NFIA: variants seen among roughly 807,000 people sequenced by gnomAD.
The protein encoded by NFIA is nuclear factor 1 A-type.
Under a neutral mutation model 62.8 loss-of-function variants are expected in NFIA, and 8 were observed. That is an observed-to-expected ratio of 0.13 (90% CI 0.07 to 0.23). NFIA has a LOEUF of 0.23. NFIA is among the 10% of genes least tolerant of loss of function. The pLI, the probability that NFIA is intolerant of heterozygous loss-of-function variation, is 1.00. For missense variants in NFIA, 410 were observed against 642.1 expected, an observed-to-expected ratio of 0.64 and a Z score of 3.91; for synonymous variants, 235 against 238.1, an observed-to-expected ratio of 0.99 and a Z score of 0.12.
Position 61,444,307 on chromosome 1 carries a change from T to C in NFIA, c.1513-10996T>C, listed in dbSNP as rs4430361. 9.6e-3 allele frequency among the ~76,000 whole-genome samples: 1,467 copies of C among 152,312 alleles called. 27 individuals are homozygous for C. The highest frequency in any genetic ancestry group is 0.034 in the African/African-American group (1,418 of 41,550). ...TCCTGGCCCCTGCCCTGCCTTTCTC[T>C]CTGTCCTTCTTTGCCTCTGGAGTAG... On this transcript the variant is annotated intron_variant, in intron 10 of 10. Coordinates refer to ENST00000403491, the MANE Select transcript of NFIA (RefSeq NM_001134673.4).
intron 2 of NFIA, among the ~76,000 whole-genome samples, chr1:61,169,358 C>T (rs1165445830): frequency 1.3e-5 from 2 of 152,164 alleles, no homozygotes; most frequent in Non-Finnish European, 1.5e-5. Context: ...GGACACTTCT[C>T]ACCCTGCATT....
At chr1:61,126,370 T>C (rs1317145075) in intron 2 of NFIA, among the ~76,000 whole-genome samples, 1 of 151,918 alleles carries the variant, frequency 6.6e-6, no homozygotes, top group African/African-American at 2.4e-5. Flanking sequence ...TATGCAGGTA[T>C]GTTTGCAACC....
intron 2 of NFIA, among the ~76,000 whole-genome samples, chr1:61,220,843 T>C (rs1653973915): frequency 6.6e-6 from 1 of 152,220 alleles, no homozygotes. Context: ...TAAGTATATT[T>C]GAGGTTTAAA....
At chr1:61,212,664 G>A (rs1043315932) in intron 2 of NFIA, among the ~76,000 whole-genome samples, 6 of 152,260 alleles carry the variant, frequency 3.9e-5, no homozygotes, top group African/African-American at 1.4e-4. Context: ...AGAGAACTTT[G>A]TGGTTTGATG....
At chr1:61,095,506 C>T (rs555510744) in intron 2 of NFIA, among the ~76,000 whole-genome samples, 6 of 152,184 alleles carry the variant, frequency 3.9e-5, no homozygotes, top group South Asian at 4.2e-4. Context: ...GGTTGGATGT[C>T]GTTTTCATGG....
intron 2 of NFIA, among the ~76,000 whole-genome samples, chr1:61,147,192 C>T (rs939612224): frequency 2.6e-5 from 4 of 151,902 alleles, no homozygotes; most frequent in Non-Finnish European, 4.4e-5. Context: ...GCTCTGTTGC[C>T]CAGGCTGGCA....
chr1:61,090,432 G>C (rs1275278648), intron 2 of NFIA, among the ~76,000 whole-genome samples: 1 of 152,022 alleles, frequency 6.6e-6, no homozygotes, highest in Non-Finnish European at 1.5e-5. Flanking sequence ...AGTTTTTGTC[G>C]GTGTAAGCAG....
intron 10 of NFIA, among the ~76,000 whole-genome samples, chr1:61,436,763 C>G (rs1027489090): frequency 1.5e-4 from 23 of 152,196 alleles, no homozygotes; most frequent in Non-Finnish European, 3.4e-4. Context: ...CATTGAGTTA[C>G]ATTCCACAGC....
intron 2 of NFIA, among the ~76,000 whole-genome samples, chr1:61,236,263 C>T (rs1323651241): frequency 6.6e-6 from 1 of 152,028 alleles, no homozygotes; most frequent in South Asian, 2.1e-4. Flanking sequence ...AACCCAGTAG[C>T]CATCTGAGAG....
At position 61,289,062 on chromosome 1, in the gene NFIA, G is replaced by A. The variant is rs146010030; in HGVS notation, c.625+11477G>A. Among the ~76,000 whole-genome samples the A allele has an allele frequency of 2.9e-3, 441 of 152,296 alleles. 2 individuals are homozygous for A. Among genetic ancestry groups the A allele is most frequent in the Middle Eastern group, 0.017 (5 of 294 alleles). On this transcript the variant is annotated intron_variant, in intron 3 of 10. Transcript: ENST00000403491. ...TGGGGTCACAGGTGTGAGCCACTGC[G>A]CCTGGAGTAAGCTTCTAAGAAAATT...
At chr1:61,387,373 A>C (rs1455169847) in intron 7 of NFIA, among the ~76,000 whole-genome samples, 1 of 152,066 alleles carries the variant, frequency 6.6e-6, no homozygotes, top group Non-Finnish European at 1.5e-5. Context: ...CAATTAAATA[A>C]TCCTTTTTCA....
intron 9 of NFIA, among the ~76,000 whole-genome samples, chr1:61,420,452 CCTT>C (rs1182947879): frequency 6.6e-6 from 1 of 152,016 alleles, no homozygotes; most frequent in Non-Finnish European, 1.5e-5. Flanking sequence ...TTAGCCACCT[CCTT>C]GTTTCAGTTT....
intron 3 of NFIA, among the ~76,000 whole-genome samples, chr1:61,308,058 T>C (rs1156907012): frequency 6.6e-6 from 1 of 152,212 alleles, no homozygotes; most frequent in East Asian, 1.9e-4. Context: ...TTATGACAGA[T>C]CATTATCCCC....
intron 2 of NFIA, chr1:61,250,934 C>T (rs963028614): frequency 2.0e-5 from 3 of 152,186 alleles, no homozygotes; most frequent in Non-Finnish European, 4.4e-5. Context: ...AAACTGCATA[C>T]ATCTCTTTCT....
chr1:61,186,148 C>T (rs17121794), intron 2 of NFIA, among the ~76,000 whole-genome samples: 23,618 of 152,038 alleles, frequency 0.16, 2,902 homozygotes, highest in African/African-American at 0.32. Context: ...CGAATGTTTT[C>T]AGTGCTCCAT....
chr1:61,126,713 C>T (rs1229028836), intron 2 of NFIA, among the ~76,000 whole-genome samples: 1 of 149,738 alleles, frequency 6.7e-6, no homozygotes, highest in Non-Finnish European at 1.5e-5. Flanking sequence ...TCTGAAGTTG[C>T]ATGCAGAATT....
chr1:61,142,274 A>T (rs1031071236), intron 2 of NFIA, among the ~76,000 whole-genome samples: 1 of 152,192 alleles, frequency 6.6e-6, no homozygotes, highest in African/African-American at 2.4e-5. Flanking sequence ...GTTGTTTATT[A>T]TGGCTCAAAA....
At chr1:61,150,599 G>A (rs140672130) in intron 2 of NFIA, among the ~76,000 whole-genome samples, 46 of 152,266 alleles carry the variant, frequency 3.0e-4, no homozygotes, top group African/African-American at 7.9e-4. Flanking sequence ...AACTGCTTAC[G>A]ACACTGGACT....
intron 5 of NFIA, among the ~76,000 whole-genome samples, chr1:61,357,878 G>A (rs1322036050): frequency 6.6e-6 from 1 of 152,166 alleles, no homozygotes; most frequent in Admixed American, 6.5e-5. Flanking sequence ...AATATGGGTA[G>A]ATTTGACAGT....
Sources: allele counts gnomAD v4.1 joint callset (sites outside exome capture counted in the v4.1 genomes callset), GRCh38; gene constraint gnomAD v4.1.1; transcripts MANE v1.5; gene names NCBI Gene and HGNC (gene_info 2026-07-23, HGNC 2026-07-21).